The following KIF11 variants were observed in gnomAD, a reference collection of about 807,000 sequenced individuals.
KIF11 encodes the protein kinesin family member 11, also known as kinesin-like protein KIF11.
Under a neutral mutation model 121.0 loss-of-function variants are expected in KIF11, and 9 were observed. That is an observed-to-expected ratio of 0.07 (90% CI 0.04 to 0.13). The LOEUF (loss-of-function observed/expected upper bound fraction) is 0.13. Among genes scored for constraint, KIF11 ranks in the 10% least tolerant of loss-of-function variants. The pLI, the probability that KIF11 is intolerant of heterozygous loss-of-function variation, is 1.00. For synonymous variants in KIF11, 408 were observed against 421.0 expected, an observed-to-expected ratio of 0.97 and a Z score of 0.38; for missense variants, 846 against 1,217.5, an observed-to-expected ratio of 0.69 and a Z score of 4.54.
chr10:92,627,526 C>G (rs1844693233), intron 10 of KIF11, among the ~76,000 whole-genome samples: 1 of 152,096 alleles, frequency 6.6e-6, no homozygotes, highest in Non-Finnish European at 1.5e-5. Flanking sequence ...TTTTATAGAT[C>G]TATTCCTTAT....
chr10:92,621,610 G>GTGTGTGTGTGTGTGTGTT, intron 10 of KIF11, 137 bp downstream of exon 10: 1 of 568,408 alleles, frequency 1.8e-6, no homozygotes, highest in East Asian at 3.1e-5. Context: ...GTGTGTGTGT[G>GTGTGTGTGTGTGTGTGTT]TTTTCTTTTG....
intron 10 of KIF11, among the ~76,000 whole-genome samples, chr10:92,623,494 A>G (rs912927881): frequency 6.6e-6 from 1 of 152,250 alleles, no homozygotes. Context: ...ATTAGACCTA[A>G]TAATAACCAG....
chr10:92,617,263 C>T (rs1844566759), intron 9 of KIF11, among the ~76,000 whole-genome samples: 1 of 152,164 alleles, frequency 6.6e-6, no homozygotes, highest in African/African-American at 2.4e-5. Flanking sequence ...GGCCACTGAC[C>T]TGCTTTCTGT....
chr10:92,633,248 C>T (rs939578823), intron 13 of KIF11, among the ~76,000 whole-genome samples: 2 of 151,658 alleles, frequency 1.3e-5, no homozygotes, highest in Non-Finnish European at 2.9e-5. Flanking sequence ...CATCTAGACT[C>T]TAGTCTCACT....
Position 92,630,313 on chromosome 10 carries a change from C to G in KIF11, c.1443C>G (p.Ile481Met). 3 of 1,605,712 alleles carry G rather than the reference C, an allele frequency of 1.9e-6. No individual in the cohort carries two copies. The highest frequency in any genetic ancestry group is 2.5e-6 in the Non-Finnish European group (3 of 1,177,178). Residue 481 changes from isoleucine (I) to methionine (M), a missense_variant, in exon 12 of 22, where the codon ATC (isoleucine) becomes ATG (methionine). This residue lies in a region of KIF11 where 95 missense variants were observed against 109.3 expected (regional missense o/e 0.87). Coordinates refer to ENST00000260731, the MANE Select transcript of KIF11 (RefSeq NM_004523.4). ...TKLQLVKEEY[I>M]TSALESTEEK... ...TACAACTTGTTAAAGAAGAATATATCACATCAGCTTTGGAAAGTACTGAGG... is the reference window on the plus strand; with the variant it reads ...TACAACTTGTTAAAGAAGAATATATGACATCAGCTTTGGAAAGTACTGAGG...
intron 8 of KIF11, among the ~76,000 whole-genome samples, chr10:92,616,407 C>T (rs1194789565): frequency 6.6e-6 from 1 of 151,840 alleles, no homozygotes; most frequent in Non-Finnish European, 1.5e-5. Flanking sequence ...CCTATGTTGC[C>T]AAGGCTGGTC....
chr10:92,638,236 CTG>C (rs1444192164), intron 16 of KIF11, among the ~76,000 whole-genome samples: 4 of 152,104 alleles, frequency 2.6e-5, no homozygotes, highest in Admixed American at 6.5e-5. Flanking sequence ...GAGCAATTCA[CTG>C]TGTTTATTCC....
At chr10:92,609,580 A>T in intron 6 of KIF11, 71 bp downstream of exon 6, 3 of 1,492,090 alleles carry the variant, frequency 2.0e-6, no homozygotes, top group South Asian at 2.6e-5. Flanking sequence ...GAGAAAGTCA[A>T]ATTGGGGTGG....
rs564190428 is a variant in KIF11 at position 92,648,823 on chromosome 10, G to T, written c.2770+389G>T. 7.9e-5 allele frequency among the ~76,000 whole-genome samples: 12 copies of T among 152,268 alleles called. No individual in the cohort carries two copies. The South Asian group carries it at 2.3e-3, about 29-fold the overall frequency. On this transcript the variant is annotated intron_variant, in intron 19 of 21. Transcript: ENST00000260731. The stretch of plus-strand genomic sequence containing the variant: ...TTTTGTTCTGTGTCCCTCTCATTTT[G>T]TCATAGACTATTGCCATTTAGGAAT...
intron 12 of KIF11, among the ~76,000 whole-genome samples, chr10:92,630,879 A>AAG (rs1554861664): frequency 5.3e-5 from 8 of 151,108 alleles, no homozygotes; most frequent in South Asian, 2.1e-4. Context: ...AAAAAAAAAA[A>AAG]AAAAAAGAAA....
intron 13 of KIF11, 126 bp from the exon 14 acceptor site, chr10:92,633,497 C>T: frequency 1.5e-6 from 1 of 668,044 alleles, no homozygotes; most frequent in Non-Finnish European, 2.5e-6. Context: ...TGAGCCAGTT[C>T]TTTTAAGCTC....
chr10:92,606,244 T>C (rs776498258), intron 1 of KIF11, 21 bp from the exon 2 acceptor site: 3 of 1,561,780 alleles, frequency 1.9e-6, no homozygotes, highest in Non-Finnish European at 1.7e-6. Context: ...CTTGAATGAC[T>C]TTGTGTATTT....
At position 92,593,432 on chromosome 10, in the gene KIF11, C is replaced by A. The variant is rs1844254201; in HGVS notation, c.57C>A (p.Ile19=). Residue 19 remains isoleucine (I), a synonymous_variant, in exon 1 of 22, where the codon ATC becomes ATA. Coordinates refer to ENST00000260731, the MANE Select transcript of KIF11 (RefSeq NM_004523.4). ...AGAAAGAGGAGAAGGGGAAGAACAT[C>A]CAGGTGGTGGTGAGATGCAGGTAGG... ...AKKKEEKGKN[I]QVVVRCRPFN... 3.1e-6 allele frequency: 5 copies of A among 1,610,630 alleles called. No homozygotes were observed. Among genetic ancestry groups the A allele is most frequent in the Non-Finnish European group, 4.2e-6 (5 of 1,178,686 alleles).
chr10:92,645,494 A>G lies in KIF11; in HGVS notation c.2399A>G (p.His800Arg). Residue 800 changes from histidine (H) to arginine (R), a missense_variant, in exon 18 of 22, where the codon CAC (histidine) becomes CGC (arginine). Around this residue, in one of 5 missense-constraint regions of KIF11, gnomAD observed 492 missense variants for 603.4 expected, o/e 0.82. Transcript: ENST00000260731. The part of the protein sequence containing the change: ...GTKLVEESVK[H>R]SDKLNGNLEK... ...AAATTGGTTGAAGAATCTGTGAAAC[A>G]CTCTGATAAACTCAATGGCAACCTG... The G allele has an allele frequency of 6.2e-7, 1 of 1,614,102 alleles. No individual in the cohort carries two copies. The highest frequency in any genetic ancestry group is 8.5e-7 in the Non-Finnish European group (1 of 1,179,980).
At chr10:92,596,252 C>CT (rs1322364487) in intron 1 of KIF11, among the ~76,000 whole-genome samples, 3 of 152,224 alleles carry the variant, frequency 2.0e-5, no homozygotes, top group African/African-American at 7.2e-5. Flanking sequence ...ATCTGCCCGC[C>CT]TTGGCCTCCC....
intron 21 of KIF11, among the ~76,000 whole-genome samples, chr10:92,651,507 G>GTATTTTTTTTTTTTTTTTT: frequency 1.9e-5 from 1 of 52,974 alleles, no homozygotes; most frequent in Admixed American, 2.5e-4. Flanking sequence ...GGCTAATTTT[G>GTATTTTTTTTTTTTTTTTT]TTTTTTTTTT....
chr10:92,631,751 C>T (rs1323666937), intron 12 of KIF11, among the ~76,000 whole-genome samples: 2 of 151,882 alleles, frequency 1.3e-5, no homozygotes, highest in African/African-American at 2.4e-5. Flanking sequence ...TCTCAGTTCA[C>T]TGTAACCTTT....
At chr10:92,628,533 A>G (rs570189214) in intron 10 of KIF11, among the ~76,000 whole-genome samples, 100 of 152,322 alleles carry the variant, frequency 6.6e-4, no homozygotes, top group African/African-American at 2.2e-3. Flanking sequence ...TGGAACACAC[A>G]TGCTTTTCCC....
intron 16 of KIF11, among the ~76,000 whole-genome samples, chr10:92,638,933 A>AT (rs753611284): frequency 2.0e-5 from 3 of 152,226 alleles, no homozygotes; most frequent in Non-Finnish European, 2.9e-5. Flanking sequence ...TTCTTTGGTC[A>AT]TTAGGATGGC....
Sources: allele counts gnomAD v4.1 joint callset (sites outside exome capture counted in the v4.1 genomes callset), GRCh38; gene constraint gnomAD v4.1.1; regional missense constraint gnomAD v4.1.1; transcripts MANE v1.5; gene names NCBI Gene and HGNC (gene_info 2026-07-23, HGNC 2026-07-21).